The following ADGRL2 variants were observed in gnomAD, a reference collection of about 807,000 sequenced individuals.
The protein encoded by ADGRL2 is adhesion G protein-coupled receptor L2.
A neutral mutation model predicts 157.4 loss-of-function variants in ADGRL2; 44 were observed. The observed-to-expected ratio is 0.28, with a 90% CI of 0.22 to 0.36. The LOEUF is 0.36. ADGRL2 is among the 10% of genes least tolerant of loss of function. The pLI is 1.00. For missense variants in ADGRL2, 1,510 were observed against 1,768.9 expected (o/e 0.85, Z 2.63); for synonymous variants, 585 against 624.7 (o/e 0.94, Z 0.95).
intron 1 of ADGRL2, among the ~76,000 whole-genome samples, chr1:81,338,576 A>G (rs1661824573): frequency 6.6e-6 from 1 of 152,176 alleles, no homozygotes; most frequent in African/African-American, 2.4e-5. Flanking sequence ...CGGATCCAAG[A>G]AGGTCTTTTA....
intron 1 of ADGRL2, among the ~76,000 whole-genome samples, chr1:81,394,583 A>G (rs1325688900): frequency 6.6e-6 from 1 of 152,152 alleles, no homozygotes; most frequent in East Asian, 1.9e-4. Context: ...TTGTGTATAT[A>G]TACCACATTT....
intron 2 of ADGRL2, among the ~76,000 whole-genome samples, chr1:81,763,504 G>A (rs530241177): frequency 2.7e-5 from 4 of 148,430 alleles, no homozygotes; most frequent in East Asian, 4.2e-4. Flanking sequence ...CAAGACAATC[G>A]TTTGAACCCA....
intron 1 of ADGRL2, among the ~76,000 whole-genome samples, chr1:81,811,373 G>A (rs548952439): frequency 6.6e-6 from 1 of 151,678 alleles, no homozygotes; most frequent in Non-Finnish European, 1.5e-5. Context: ...CAGATTTCCA[G>A]TCAGTATTTA....
chr1:81,951,276 T>C (rs1454634532), intron 8 of ADGRL2, among the ~76,000 whole-genome samples, 155 bp downstream of exon 8: 1 of 152,220 alleles, frequency 6.6e-6, no homozygotes, highest in Non-Finnish European at 1.5e-5. Flanking sequence ...GTAAACTGTT[T>C]ATTGAAAGTT....
intron 3 of ADGRL2, among the ~76,000 whole-genome samples, chr1:81,598,681 C>T (rs1445503859): frequency 3.3e-5 from 5 of 152,130 alleles, no homozygotes; most frequent in African/African-American, 1.2e-4. Context: ...CACAAGTGGT[C>T]AGGGAAACAT....
intron 3 of ADGRL2, chr1:81,596,547 G>T: frequency 3.0e-6 from 1 of 331,136 alleles, no homozygotes; most frequent in South Asian, 2.9e-5. Context: ...TCCTTGGCAA[G>T]AGCGAACAGC....
chr1:81,581,618 C>G (rs1212232513), intron 3 of ADGRL2, among the ~76,000 whole-genome samples: 1 of 152,152 alleles, frequency 6.6e-6, no homozygotes, highest in Admixed American at 6.6e-5. Context: ...TGATTATACT[C>G]ATTTCATCTT....
At chr1:81,733,086 A>C (rs1315689078) in intron 1 of ADGRL2, among the ~76,000 whole-genome samples, 2 of 151,998 alleles carry the variant, frequency 1.3e-5, no homozygotes, top group African/African-American at 4.9e-5. Context: ...CAAGACAATC[A>C]AACAAAAGTT....
At chr1:81,595,747 G>A (rs1295766833) in intron 3 of ADGRL2, among the ~76,000 whole-genome samples, 1 of 152,230 alleles carries the variant, frequency 6.6e-6, no homozygotes, top group Non-Finnish European at 1.5e-5. Context: ...CATTTGCTTA[G>A]CTCTTTGGGC....
chr1:81,576,382 T>C (rs946226066), intron 2 of ADGRL2, among the ~76,000 whole-genome samples: 1 of 152,158 alleles, frequency 6.6e-6, no homozygotes, highest in Non-Finnish European at 1.5e-5. Flanking sequence ...TCATAAATAA[T>C]AATAGTTCCT....
At chr1:81,457,539 A>G (rs1416521369) in intron 2 of ADGRL2, among the ~76,000 whole-genome samples, 1 of 152,196 alleles carries the variant, frequency 6.6e-6, no homozygotes, top group Non-Finnish European at 1.5e-5. Flanking sequence ...ACAGTATTTG[A>G]TTATTGACTA....
chr1:81,943,860 C>T lies in ADGRL2; in HGVS notation c.1210+91C>T. The T allele has an allele frequency of 1.0e-6, 1 of 987,908 alleles. No homozygotes were observed. Among genetic ancestry groups the T allele is most frequent in the Non-Finnish European group, 1.5e-6 (1 of 664,284 alleles). 61.2% of individuals were successfully genotyped at this position (987,908 alleles called of 1,614,324 possible). ...CTTAATTTTTTTTTCCTATTTTCTTCCCCTTTTCATAGTTAAAGGACAAAG... is the reference window on the plus strand; with the variant it reads ...CTTAATTTTTTTTTCCTATTTTCTTTCCCTTTTCATAGTTAAAGGACAAAG... On this transcript the variant is annotated intron_variant, in intron 6 of 23. Coordinates refer to ENST00000686636, the MANE Select transcript of ADGRL2 (RefSeq NM_001366006.2). The surrounding 1 kb of genome is among the most constrained non-coding windows in gnomAD (Gnocchi z 5.6).
At chr1:81,553,840 G>C (rs2080209357) in intron 2 of ADGRL2, among the ~76,000 whole-genome samples, 1 of 152,208 alleles carries the variant, frequency 6.6e-6, no homozygotes, top group Non-Finnish European at 1.5e-5. Flanking sequence ...AGGAAAGCCA[G>C]AGAGAGGCAA....
At chr1:81,751,949 T>A (rs191476567) in intron 1 of ADGRL2, among the ~76,000 whole-genome samples, 1 of 152,272 alleles carries the variant, frequency 6.6e-6, no homozygotes, top group Admixed American at 6.5e-5. Flanking sequence ...CCGGAATAGG[T>A]TTCAGGTTAG....
chr1:81,843,931 T>G (rs2092693026), intron 2 of ADGRL2, among the ~76,000 whole-genome samples: 1 of 152,024 alleles, frequency 6.6e-6, no homozygotes, highest in Admixed American at 6.6e-5. Context: ...GTGGAAAAAC[T>G]TTGTTTATCC....
intron 3 of ADGRL2, among the ~76,000 whole-genome samples, chr1:81,623,605 T>C (rs1406193309): frequency 1.3e-5 from 2 of 150,794 alleles, no homozygotes; most frequent in African/African-American, 2.4e-5. Context: ...TAGGTCAGTA[T>C]GGGCCCTAAA....
intron 1 of ADGRL2, among the ~76,000 whole-genome samples, chr1:81,806,614 T>G (rs2089194700): frequency 6.6e-6 from 1 of 152,084 alleles, no homozygotes; most frequent in African/African-American, 2.4e-5. Context: ...TATTGCTTTA[T>G]TTTCTATCAA....
At chr1:81,338,026 T>C (rs190043793) in intron 1 of ADGRL2, among the ~76,000 whole-genome samples, 9 of 152,352 alleles carry the variant, frequency 5.9e-5, no homozygotes, top group South Asian at 2.1e-4. Flanking sequence ...ACAATTATTT[T>C]AGAAATTGTC....
chr1:81,371,340 T>C (rs1161301585), intron 1 of ADGRL2, among the ~76,000 whole-genome samples: 1 of 151,978 alleles, frequency 6.6e-6, no homozygotes, highest in Non-Finnish European at 1.5e-5. Context: ...GAGAAACAAA[T>C]GGGAGCTGGA....
Sources: gnomAD v4.1 joint callset for allele counts (sites outside exome capture counted in the v4.1 genomes callset) on GRCh38, gnomAD v4.1.1 for gene constraint, Gnocchi (gnomAD v3.1) non-coding constraint, MANE v1.5 for transcripts, NCBI Gene and HGNC (gene_info 2026-07-23, HGNC 2026-07-21) for gene names.